ATXN1: variants seen among roughly 807,000 people sequenced by gnomAD.
ATXN1 encodes ataxin-1.
A neutral mutation model predicts 56.4 loss-of-function variants in ATXN1; 8 were observed. The observed-to-expected ratio is 0.14, with a 90% CI of 0.08 to 0.26. The LOEUF is 0.26. Ranked by LOEUF, ATXN1 falls within the 10% of genes least tolerant of loss-of-function variation. ATXN1 has a pLI of 1.00. For synonymous variants in ATXN1, 514 were observed against 494.6 expected (o/e 1.04, Z -0.52); for missense variants, 987 against 1,106.5 (o/e 0.89, Z 1.53).
chr6:16,616,547 ATATATAATATATTTTATATATAG>A (rs994785944), intron 3 of ATXN1, among the ~76,000 whole-genome samples: 5 of 146,466 alleles, frequency 3.4e-5, no homozygotes, highest in Non-Finnish European at 4.5e-5. Context: ...CTCAAAAAAT[ATATATAATATATTTTATATATAG>A]TATATAATAT....
At chr6:16,570,612 C>T (rs576823116) in intron 4 of ATXN1, among the ~76,000 whole-genome samples, 79 of 152,274 alleles carry the variant, frequency 5.2e-4, no homozygotes, top group Non-Finnish European at 1.0e-3. Context: ...AGCTTGCTCA[C>T]TTCATTCATT....
At chr6:16,674,016 G>A (rs966527490) in intron 2 of ATXN1, among the ~76,000 whole-genome samples, 22 of 152,052 alleles carry the variant, frequency 1.4e-4, no homozygotes, top group African/African-American at 4.6e-4. Flanking sequence ...CTCTCCATCA[G>A]TTCCCTCCCA....
At chr6:16,759,966 G>T (rs1289345135) in intron 1 of ATXN1, among the ~76,000 whole-genome samples, 1 of 152,032 alleles carries the variant, frequency 6.6e-6, no homozygotes, top group African/African-American at 2.4e-5. Context: ...GACGGCCCTC[G>T]CCCCCCGCCC....
At chr6:16,334,546 T>C (rs1385550857) in intron 6 of ATXN1, among the ~76,000 whole-genome samples, 1 of 151,888 alleles carries the variant, frequency 6.6e-6, no homozygotes, top group African/African-American at 2.4e-5. Flanking sequence ...CGAGATCCTG[T>C]CTCTACAAAA....
intron 4 of ATXN1, among the ~76,000 whole-genome samples, chr6:16,575,410 C>T (rs1156518431): frequency 6.6e-6 from 1 of 152,100 alleles, no homozygotes; most frequent in Non-Finnish European, 1.5e-5. Flanking sequence ...CATTCCTTTT[C>T]CCTTATTTAT....
intron 4 of ATXN1, among the ~76,000 whole-genome samples, chr6:16,536,453 A>G (rs2113711407): frequency 6.6e-6 from 1 of 152,306 alleles, no homozygotes; most frequent in East Asian, 1.9e-4. Context: ...TCACTGTACA[A>G]TTCTTACAAT....
rs952027675 is a variant in ATXN1 at position 16,760,166 on chromosome 6, C to A, written c.-730+1132G>T. 1.3e-5 allele frequency among the ~76,000 whole-genome samples: 2 copies of A among 152,054 alleles called. No homozygotes were observed. Among genetic ancestry groups the A allele is most frequent in the African/African-American group, 2.4e-5 (1 of 41,432 alleles). ...GCGGCGCCCCCGGGAGTGGCAGAGT[C>A]TCCGGCCCGGCCCAGAGTGAACGAG... On this transcript the variant is annotated intron_variant, in intron 1 of 7. Coordinates refer to ENST00000436367, the MANE Select transcript of ATXN1 (RefSeq NM_001128164.2). The surrounding 1 kb of genome is among the most constrained non-coding windows in gnomAD (Gnocchi z 5.3).
rs1316747236 is a variant in ATXN1, at chr6:16,594,491, A to AT, written c.-488-8585dup. Among the ~76,000 whole-genome samples the AT allele has an allele frequency of 4.4e-3, 579 of 130,898 alleles. 3 individuals carry two copies. Among genetic ancestry groups the AT allele is most frequent in the African/African-American group, 0.013 (485 of 36,546 alleles). The allele number at this position is 130,898 out of a possible 152,430, so 85.9% of individuals were successfully genotyped here. ...TTTTTTCCTTTTTTTTTTTTTATTTATTTATTTTTTGAGACGGAGTCTCAT... is the reference window on the plus strand; with the variant it reads ...TTTTTTCCTTTTTTTTTTTTTATTTATTTTATTTTTTGAGACGGAGTCTCAT... On this transcript the variant is annotated intron_variant, in intron 3 of 7. Transcript: ENST00000436367.
At chr6:16,689,440 GC>G (rs1269626712) in intron 2 of ATXN1, among the ~76,000 whole-genome samples, 1 of 151,114 alleles carries the variant, frequency 6.6e-6, no homozygotes, top group African/African-American at 2.4e-5. Context: ...CAGCTCCCGA[GC>G]AGCTGAGACT....
chr6:16,461,199 C>T (rs565129360), intron 6 of ATXN1, among the ~76,000 whole-genome samples: 1 of 152,220 alleles, frequency 6.6e-6, no homozygotes, highest in Non-Finnish European at 1.5e-5. Context: ...CAACCCCCTC[C>T]AAGAGATTAA....
chr6:16,598,985 A>C (rs117531865), intron 3 of ATXN1, among the ~76,000 whole-genome samples: 1 of 152,380 alleles, frequency 6.6e-6, no homozygotes, highest in East Asian at 1.9e-4. Flanking sequence ...TAGTAGGAGC[A>C]GATGAGGCTA....
chr6:16,617,472 C>T (rs58798370), intron 3 of ATXN1, among the ~76,000 whole-genome samples: 1 of 151,680 alleles, frequency 6.6e-6, no homozygotes, highest in East Asian at 1.9e-4. Flanking sequence ...CTTCTAAACT[C>T]ATAGAATCAA....
At chr6:16,535,154 G>A (rs1179662631) in intron 4 of ATXN1, among the ~76,000 whole-genome samples, 1 of 152,200 alleles carries the variant, frequency 6.6e-6, no homozygotes, top group Non-Finnish European at 1.5e-5. Context: ...AGATTTCACA[G>A]GGCACTCACT....
intron 4 of ATXN1, among the ~76,000 whole-genome samples, chr6:16,581,233 G>A (rs887025547): frequency 2.8e-5 from 4 of 141,554 alleles, no homozygotes; most frequent in Non-Finnish European, 4.7e-5. Context: ...GTGCGCGCGT[G>A]TGTGTGTGTG....
At chr6:16,546,399 G>A (rs1761815425) in intron 4 of ATXN1, among the ~76,000 whole-genome samples, 1 of 152,166 alleles carries the variant, frequency 6.6e-6, no homozygotes, top group African/African-American at 2.4e-5. Context: ...CAGGGCTGGA[G>A]CCCAGTCTTG....
chr6:16,549,166 T>A (rs962457117), intron 4 of ATXN1, among the ~76,000 whole-genome samples: 6 of 151,966 alleles, frequency 3.9e-5, no homozygotes, highest in African/African-American at 1.2e-4. Flanking sequence ...TTTTTTTTTT[T>A]AAATAAGTAG....
At chr6:16,637,296 T>G (rs1488047031) in intron 3 of ATXN1, among the ~76,000 whole-genome samples, 1 of 133,792 alleles carries the variant, frequency 7.5e-6, no homozygotes, top group Non-Finnish European at 1.5e-5. Context: ...AATTGAACAA[T>G]GAGAACACTT....
At chr6:16,345,873 G>A (rs759970438) in intron 6 of ATXN1, among the ~76,000 whole-genome samples, 1 of 152,128 alleles carries the variant, frequency 6.6e-6, no homozygotes, top group Non-Finnish European at 1.5e-5. Context: ...TGAGCTGCCA[G>A]AAGCCCTTCA....
rs142035460 is a variant in ATXN1, at chr6:16,674,998, C to T, written c.-614-17097G>A. Among the ~76,000 whole-genome samples the T allele has an allele frequency of 1.3e-3, 203 of 152,286 alleles. 1 individual carries two copies. The highest frequency in any genetic ancestry group is 4.7e-3 in the African/African-American group (197 of 41,548). On this transcript the variant is annotated intron_variant, in intron 2 of 7. Coordinates refer to ENST00000436367, the MANE Select transcript of ATXN1 (RefSeq NM_001128164.2). ...AAAGCAGTAAACTGGAAACATAGCCCCCATTCTTTCTGAAATCTTAAACAG... is the reference window on the plus strand; with the variant it reads ...AAAGCAGTAAACTGGAAACATAGCCTCCATTCTTTCTGAAATCTTAAACAG...
Sources: allele counts gnomAD v4.1 joint callset (sites outside exome capture counted in the v4.1 genomes callset), GRCh38; gene constraint gnomAD v4.1.1; non-coding constraint Gnocchi (gnomAD v3.1); transcripts MANE v1.5; gene names NCBI Gene and HGNC (gene_info 2026-07-23, HGNC 2026-07-21).